The following PTBP3 variants were observed in gnomAD, a reference collection of about 807,000 sequenced individuals.
PTBP3 encodes the protein polypyrimidine tract-binding protein 3.
A neutral mutation model predicts 58.7 loss-of-function variants in PTBP3; 20 were observed. The observed-to-expected ratio is 0.34, with a 90% CI of 0.24 to 0.50. PTBP3 has a LOEUF of 0.50. PTBP3 is among the 20% of genes least tolerant of loss of function. PTBP3 has a pLI of 0.98. For missense variants in PTBP3, 509 were observed against 637.2 expected, an observed-to-expected ratio of 0.80 and a Z score of 2.17; for synonymous variants, 185 against 219.8, an observed-to-expected ratio of 0.84 and a Z score of 1.40.
At chr9:112,373,007 G>A in the PTBP3 span, among the ~76,000 whole-genome samples, 1 of 145,806 alleles carries the variant, frequency 6.9e-6, no homozygotes, top group African/African-American at 2.6e-5. Flanking sequence ...CAATTCTCCT[G>A]CCTCAGCCTT....
chr9:112,351,889 C>T, the PTBP3 span, among the ~76,000 whole-genome samples: 1 of 151,640 alleles, frequency 6.6e-6, no homozygotes, highest in African/African-American at 2.4e-5. Context: ...ATGCTCCAGG[C>T]TCATCATGTA....
chr9:112,262,164 T>G (rs1357355323), intron 5 of PTBP3, among the ~76,000 whole-genome samples: 1 of 152,160 alleles, frequency 6.6e-6, no homozygotes, highest in Non-Finnish European at 1.5e-5. Flanking sequence ...ACCTGGACTT[T>G]TCACAATATT....
rs147277320 is a variant in PTBP3 at position 112,319,002 on chromosome 9, C to A, written c.-52+14468G>T. ...ATTAGCTGGGTGTGGTGACACATGCCTGTAATCCCATCTACTCGGGAGGCT... is the reference window on the plus strand; with the variant it reads ...ATTAGCTGGGTGTGGTGACACATGCATGTAATCCCATCTACTCGGGAGGCT... On this transcript the variant is annotated intron_variant, in intron 1 of 13. Coordinates refer to ENST00000374257, the MANE Select transcript of PTBP3 (RefSeq NM_001163788.4). Among the ~76,000 whole-genome samples the A allele has an allele frequency of 1.5e-3, 225 of 151,824 alleles. 1 individual carries two copies. Among genetic ancestry groups the A allele is most frequent in the African/African-American group, 5.2e-3 (216 of 41,374 alleles).
At chr9:112,340,552 TA>T in the PTBP3 span, among the ~76,000 whole-genome samples, 4 of 152,250 alleles carry the variant, frequency 2.6e-5, no homozygotes, top group Non-Finnish European at 5.9e-5. Flanking sequence ...CCAGCTTTTT[TA>T]AAATGTCATG....
At chr9:112,372,259 T>C in the PTBP3 span, among the ~76,000 whole-genome samples, 2 of 152,088 alleles carry the variant, frequency 1.3e-5, no homozygotes, top group Non-Finnish European at 2.9e-5. Flanking sequence ...AGAATTTTTT[T>C]TGTAGAGACA....
intron 8 of PTBP3, among the ~76,000 whole-genome samples, chr9:112,233,823 C>T (rs537011182): frequency 6.6e-6 from 1 of 152,144 alleles, no homozygotes; most frequent in East Asian, 1.9e-4. Context: ...CCCAGCTACT[C>T]AGAAGGCTGA....
intron 10 of PTBP3, among the ~76,000 whole-genome samples, chr9:112,228,704 C>T (rs1054641464): frequency 1.3e-5 from 2 of 152,124 alleles, no homozygotes; most frequent in Non-Finnish European, 2.9e-5. Context: ...GATTCATCCC[C>T]CCTTTCCTCT....
At chr9:112,288,012 T>C (rs1158483703) in intron 2 of PTBP3, among the ~76,000 whole-genome samples, 1 of 152,216 alleles carries the variant, frequency 6.6e-6, no homozygotes, top group Non-Finnish European at 1.5e-5. Context: ...TTCTGTTGTT[T>C]TGTTATATTT....
chr9:112,285,295 G>A (rs1828065290), intron 2 of PTBP3, among the ~76,000 whole-genome samples: 1 of 152,158 alleles, frequency 6.6e-6, no homozygotes, highest in South Asian at 2.1e-4. Flanking sequence ...GACTTTGCCT[G>A]CTTCCCCTTC....
intron 1 of PTBP3, among the ~76,000 whole-genome samples, chr9:112,329,906 ACACGG>A (rs2132487111): frequency 6.8e-6 from 1 of 146,042 alleles, no homozygotes; most frequent in African/African-American, 2.6e-5. Context: ...GAGTGCAGTG[ACACGG>A]TCACACTCAC....
rs745566967 is a variant in PTBP3, at chr9:112,252,830, A to G, written c.517-42T>C. On this transcript the variant is annotated intron_variant, in intron 5 of 13. Transcript: ENST00000374257. Reference sequence around the variant, plus strand: ...ATTAGGTTAAATGTAAAAGAAAAGTATTAAACTGATGTATCTTTATAAATA... The same window carrying G: ...ATTAGGTTAAATGTAAAAGAAAAGTGTTAAACTGATGTATCTTTATAAATA... 5.7e-5 allele frequency: 63 copies of G among 1,096,382 alleles called. 1 individual carries two copies. The South Asian group carries it at 8.2e-4, about 14-fold the overall frequency. 67.9% of individuals were successfully genotyped at this position (1,096,382 alleles called of 1,614,324 possible).
At chr9:112,248,647 A>G (rs966122096) in intron 7 of PTBP3, among the ~76,000 whole-genome samples, 2 of 152,210 alleles carry the variant, frequency 1.3e-5, no homozygotes, top group African/African-American at 4.8e-5. Context: ...CACTCCTTTC[A>G]GTAGGAGATG....
upstream of PTBP3, chr9:112,333,696 G>A: frequency 3.1e-6 from 1 of 325,750 alleles, no homozygotes; most frequent in South Asian, 6.2e-5. Flanking sequence ...GCGCGTCCCC[G>A]CCTAGCCCGA....
chr9:112,325,299 G>GGAGC (rs1369749352), intron 1 of PTBP3, among the ~76,000 whole-genome samples: 4 of 152,160 alleles, frequency 2.6e-5, no homozygotes, highest in Non-Finnish European at 5.9e-5. Flanking sequence ...AAATCAACGT[G>GGAGC]GAGCGGCTCA....
In PTBP3 at chr9:112,227,567, T is replaced by G; in HGVS notation, c.1208A>C (p.Lys403Thr). 6.2e-7 allele frequency: 1 copy of G among 1,613,986 alleles called. No individual in the cohort carries two copies. The highest frequency in any genetic ancestry group is 8.5e-7 in the Non-Finnish European group (1 of 1,179,934). The change falls in exon 12 of 14, where the codon AAA becomes ACA. Residue 403 changes from lysine to threonine, a missense_variant. This residue lies in a region of PTBP3 where 135 missense variants were observed against 229.0 expected (regional missense o/e 0.59). Transcript: ENST00000374257. ...TCGAGGAAGCTGTACTGCTTGATGT[T>G]TGGACAGTGTAGCACGAAGCACTTT... Reference protein sequence around the residue: ...YGKVLRATLSKHQAVQLPREG... With the variant: ...YGKVLRATLSTHQAVQLPREG...
At chr9:112,364,284 C>T in the PTBP3 span, among the ~76,000 whole-genome samples, 1 of 118,348 alleles carries the variant, frequency 8.4e-6, no homozygotes, top group East Asian at 2.5e-4. Flanking sequence ...TTCAAGAAGA[C>T]AAAAAAAAAG....
chr9:112,266,599 G>C (rs1836810394), intron 4 of PTBP3, among the ~76,000 whole-genome samples: 1 of 152,110 alleles, frequency 6.6e-6, no homozygotes, highest in Non-Finnish European at 1.5e-5. Flanking sequence ...ATATCAAAAA[G>C]AAATTGGACG....
At chr9:112,243,349 T>G (rs1291793259) in intron 7 of PTBP3, among the ~76,000 whole-genome samples, 1 of 152,124 alleles carries the variant, frequency 6.6e-6, no homozygotes, top group Non-Finnish European at 1.5e-5. Flanking sequence ...GAGACCAGGC[T>G]GGCCAACACG....
chr9:112,234,909 G>A lies in PTBP3; in HGVS notation c.803-12C>T. On this transcript the variant is annotated splice_polypyrimidine_tract_variant and intron_variant, in intron 7 of 13. Coordinates refer to ENST00000374257, the MANE Select transcript of PTBP3 (RefSeq NM_001163788.4). ...TATACCCGGTGCACCTAATGGGAAA[G>A]AGAAGCTAAAGTAAACACACTACCT... 2 of 1,605,280 alleles carry A rather than the reference G, an allele frequency of 1.2e-6. No homozygotes were observed. Among genetic ancestry groups the A allele is most frequent in the Non-Finnish European group, 1.7e-6 (2 of 1,172,974 alleles).
Sources: gnomAD v4.1 joint callset for allele counts (sites outside exome capture counted in the v4.1 genomes callset) on GRCh38, gnomAD v4.1.1 for gene constraint, gnomAD v4.1.1 regional missense constraint, MANE v1.5 for transcripts, NCBI Gene and HGNC (gene_info 2026-07-23, HGNC 2026-07-21) for gene names.